The following PRSS23 variants were observed in gnomAD, a reference collection of about 807,000 sequenced individuals.
PRSS23 encodes serine protease 23, also known as protease, serine 23.
PRSS23 carries 25 observed loss-of-function variants against 34.7 expected under a neutral mutation model. That is an observed-to-expected ratio of 0.72 (90% CI 0.53 to 1.01). The LOEUF (loss-of-function observed/expected upper bound fraction) is 1.01, where lower values mean the gene tolerates loss of function less well. Among genes scored for constraint, PRSS23 ranks in the 50% least tolerant of loss-of-function variants. The pLI, the probability that PRSS23 is intolerant of heterozygous loss-of-function variation, is 0.00. For missense variants in PRSS23, 445 were observed against 475.6 expected (o/e 0.94, Z 0.60); for synonymous variants, 176 against 186.6 (o/e 0.94, Z 0.46).
At chr11:86,829,393 G>A (rs764915445) in intron 2 of PRSS23, among the ~76,000 whole-genome samples, 7 of 152,152 alleles carry the variant, frequency 4.6e-5, no homozygotes, top group South Asian at 2.1e-4. Flanking sequence ...TTATACATTC[G>A]TCTAAATTTT....
At chr11:86,895,116 C>A (rs1349697018) in intron 2 of PRSS23, among the ~76,000 whole-genome samples, 5 of 152,106 alleles carry the variant, frequency 3.3e-5, no homozygotes, top group Non-Finnish European at 7.4e-5. Flanking sequence ...TTTTGATATA[C>A]AGTAACATAT....
intron 2 of PRSS23, among the ~76,000 whole-genome samples, chr11:86,884,302 T>C (rs1297612232): frequency 2.0e-5 from 3 of 152,232 alleles, no homozygotes; most frequent in Admixed American, 6.5e-5. Flanking sequence ...TATTTGTTTT[T>C]GTTTTGTTTT....
At chr11:86,939,421 T>TTTTTTTTTTTAA (rs1949189479) in intron 2 of PRSS23, among the ~76,000 whole-genome samples, 1 of 99,722 alleles carries the variant, frequency 1.0e-5, no homozygotes, top group South Asian at 3.2e-4. Flanking sequence ...TATATATATA[T>TTTTTTTTTTTAA]ATATATTTTT....
upstream of PRSS23, chr11:86,800,502 G>A (rs548547121): frequency 5.0e-5 from 49 of 984,270 alleles, no homozygotes; most frequent in South Asian, 1.7e-3. Context: ...GGCGCGGGGG[G>A]CGGACCCGCC....
intron 1 of PRSS23, among the ~76,000 whole-genome samples, chr11:86,806,248 T>C (rs1420299015): frequency 6.6e-6 from 1 of 152,238 alleles, no homozygotes; most frequent in East Asian, 1.9e-4. Flanking sequence ...ATTACTCACA[T>C]GGTTGCATGT....
chr11:86,842,132 A>G (rs1288329278), intron 2 of PRSS23, among the ~76,000 whole-genome samples: 2 of 152,188 alleles, frequency 1.3e-5, no homozygotes, highest in Non-Finnish European at 2.9e-5. Context: ...TTCAACATAC[A>G]CAAATCAATA....
chr11:86,932,871 T>C (rs1949135490), intron 2 of PRSS23: 1 of 152,250 alleles, frequency 6.6e-6, no homozygotes. Flanking sequence ...AATCTCCCTC[T>C]GTAAGGGTTG....
intron 2 of PRSS23, among the ~76,000 whole-genome samples, chr11:86,834,035 C>T (rs1037394601): frequency 6.6e-6 from 1 of 152,192 alleles, no homozygotes; most frequent in South Asian, 2.1e-4. Context: ...ATTTGAAGAA[C>T]ATTTGTAGTT....
At chr11:86,832,742 A>C in intron 2 of PRSS23, 1 of 296,740 alleles carries the variant, frequency 3.4e-6, no homozygotes, top group East Asian at 8.6e-5. Flanking sequence ...ACAGGTGGAG[A>C]AGGCTTTATA....
In PRSS23 at chr11:86,807,970, T is replaced by A. The variant is rs1258195280; in HGVS notation, c.327T>A (p.Ser109Arg). The A allele has an allele frequency of 6.2e-7, 1 of 1,613,760 alleles. No individual in the cohort carries two copies. The highest frequency in any genetic ancestry group is 1.7e-5 in the Admixed American group (1 of 59,996). The change falls in exon 2 of 2, where the codon AGT becomes AGA. Residue 109 changes from serine to arginine, a missense_variant. Transcript: ENST00000280258. ...TQVGIYILSS[S>R]GDGAQHRDSG... ...TGGGCATCTACATCCTCAGCAGTAG[T>A]GGAGATGGGGCCCAACACCGAGACT...
rs755697661 is a variant in PRSS23, at chr11:86,808,613, A to G, written c.970A>G (p.Met324Val). ...CAGCGGGTCTGGGGTCTATGTGAGG[A>G]TGTGGAAGAGACAGCAGCAGAAGTG... ...GASGSGVYVR[M>V]WKRQQQKWER... Residue 324 changes from methionine to valine, a missense_variant, in exon 2 of 2, where the codon ATG becomes GTG. Physicochemically the swap from Met to Val is conservative, Grantham distance 21. Coordinates refer to ENST00000280258, the MANE Select transcript of PRSS23 (RefSeq NM_007173.6). 1 of 1,614,068 alleles carries G rather than the reference A, an allele frequency of 6.2e-7. No individual in the cohort carries two copies. The highest frequency in any genetic ancestry group is 1.1e-5 in the South Asian group (1 of 91,086).
intron 2 of PRSS23, among the ~76,000 whole-genome samples, chr11:86,869,717 C>T (rs962692009): frequency 1.3e-4 from 20 of 152,164 alleles, no homozygotes; most frequent in African/African-American, 4.6e-4. Context: ...GTGCTCACCA[C>T]CACCAACTGC....
At chr11:86,846,362 C>A (rs749209436) in intron 2 of PRSS23, among the ~76,000 whole-genome samples, 9 of 152,108 alleles carry the variant, frequency 5.9e-5, no homozygotes, top group Non-Finnish European at 8.8e-5. Flanking sequence ...AAACTAGGCA[C>A]CTGTCAGCCA....
rs556614585 is a variant in PRSS23, at chr11:86,884,213, C to T, written c.206+60620C>T. The stretch of plus-strand genomic sequence containing the variant: ...TCATCATCTCTCTCCTTGACTGTTA[C>T]ATCTATCGCCATTTGGCCTATAGTT... On this transcript the variant is annotated intron_variant, in intron 2 of 2. Transcript: ENST00000533902. Among the ~76,000 whole-genome samples the T allele has an allele frequency of 4.9e-4, 75 of 152,344 alleles. 1 individual carries two copies. In the South Asian group the frequency reaches 6.4e-3, roughly 13 times the overall value.
Position 86,801,954 on chromosome 11 carries a change from G to A in PRSS23, c.-14+1303G>A, listed in dbSNP as rs372096730. Among the ~76,000 whole-genome samples, 8 of 152,304 alleles carry A rather than the reference G, an allele frequency of 5.3e-5. No individual in the cohort carries two copies. The South Asian group carries it at 1.7e-3, about 32-fold the overall frequency. On this transcript the variant is annotated intron_variant, in intron 1 of 1. Coordinates refer to ENST00000280258, the MANE Select transcript of PRSS23 (RefSeq NM_007173.6). ...ACTGGGAAGGAAGCCTTTTTCCAAGGTGCCTAATATGGATCTCATTTTTGT... is the reference window on the plus strand; with the variant it reads ...ACTGGGAAGGAAGCCTTTTTCCAAGATGCCTAATATGGATCTCATTTTTGT...
At chr11:86,826,242 A>T (rs991724988) in intron 2 of PRSS23, among the ~76,000 whole-genome samples, 1 of 151,302 alleles carries the variant, frequency 6.6e-6, no homozygotes, top group African/African-American at 2.5e-5. Context: ...CTTTGAAGCA[A>T]TTGTGAATGG....
intron 2 of PRSS23, among the ~76,000 whole-genome samples, chr11:86,944,428 A>G (rs1949226894): frequency 6.6e-6 from 1 of 151,992 alleles, no homozygotes; most frequent in Non-Finnish European, 1.5e-5. Context: ...ACAGGAGTAT[A>G]AAACAAAAAC....
chr11:86,798,456 A>C (rs924473192), upstream of PRSS23, among the ~76,000 whole-genome samples: 1 of 152,250 alleles, frequency 6.6e-6, no homozygotes, highest in African/African-American at 2.4e-5. Flanking sequence ...AGATGGAACG[A>C]AGGAAAGAGG....
At chr11:86,870,833 C>A (rs775867858) in intron 2 of PRSS23, among the ~76,000 whole-genome samples, 87 of 152,186 alleles carry the variant, frequency 5.7e-4, no homozygotes, top group Non-Finnish European at 8.5e-4. Context: ...TTCAGTTCTA[C>A]AATTGTCATT....
Sources: allele counts gnomAD v4.1 joint callset (sites outside exome capture counted in the v4.1 genomes callset), GRCh38; gene constraint gnomAD v4.1.1; transcripts MANE v1.5; gene names NCBI Gene and HGNC (gene_info 2026-07-23, HGNC 2026-07-21).